Variants in TULP4 observed in about 807,000 individuals in gnomAD.
TULP4 encodes TUB like protein 4, also known as tubby-related protein 4.
A neutral mutation model predicts 129.0 loss-of-function variants in TULP4; 16 were observed. That is an observed-to-expected ratio of 0.12 (90% CI 0.08 to 0.19). The LOEUF (loss-of-function observed/expected upper bound fraction) is 0.19. Among genes scored for constraint, TULP4 ranks in the 10% least tolerant of loss-of-function variants. The probability of loss-of-function intolerance (pLI) is 1.00; values close to 1 mark genes in which losing one functional copy is unlikely to be tolerated. For missense variants in TULP4, 1,842 were observed against 2,059.1 expected (o/e 0.89, Z 2.04); for synonymous variants, 998 against 854.0 (o/e 1.17, Z -2.94).
At chr6:158,283,372 A>C (rs1313721100) in intron 1 of TULP4, among the ~76,000 whole-genome samples, 1 of 152,232 alleles carries the variant, frequency 6.6e-6, no homozygotes, top group Admixed American at 6.5e-5. Context: ...AAATGTTTCG[A>C]AGCCCCTGGT....
At position 158,507,628 on chromosome 6, in the gene TULP4, CATGCTGAG is replaced by C. The variant is rs1162881001; in HGVS notation, c.*936_*943del. 1 of 152,208 alleles carries C rather than the reference CATGCTGAG, an allele frequency of 6.6e-6. No individual in the cohort carries two copies. Among genetic ancestry groups the C allele is most frequent in the East Asian group, 1.9e-4 (1 of 5,204 alleles). 9.4% of individuals were successfully genotyped at this position (152,208 alleles called of 1,614,324 possible). ...TGTGGTGACAGTCACTAGATCCTCA[CATGCTGAG>C]AAACAGCCTCTACTCTCTCTGCCCC... On this transcript the variant is annotated 3_prime_UTR_variant, in exon 14 of 14. Coordinates refer to ENST00000367097, the MANE Select transcript of TULP4 (RefSeq NM_020245.5).
rs752011727 is a variant in TULP4 at position 158,502,720 on chromosome 6, CG to C, written c.3064del (p.Val1022TrpfsTer2). The C allele has an allele frequency of 7.0e-6, 11 of 1,565,076 alleles. No homozygotes were observed. The highest frequency in any genetic ancestry group is 1.7e-5 in the Admixed American group (1 of 57,160). On this transcript the variant is annotated frameshift_variant, in exon 13 of 14. Transcript: ENST00000367097. LOFTEE classifies it high-confidence loss of function. The stretch of plus-strand genomic sequence containing the variant: ...CCCTGGCCAAGTCCAAGGGCGGGCC[CG>C]GGGGGGTGGTGACACAGCTCCCAGC... ...QPLAKSKGGP[G>X]GVVTQLPARP...
At chr6:158,330,017 T>C (rs2128491468) in intron 1 of TULP4, among the ~76,000 whole-genome samples, 1 of 82,388 alleles carries the variant, frequency 1.2e-5, no homozygotes, top group Admixed American at 1.7e-4. Context: ...AAATTTTAAA[T>C]AGACACATTA....
At chr6:158,498,902 A>G (rs1372199400) in intron 12 of TULP4, 90 bp downstream of exon 12, 5 of 1,509,758 alleles carry the variant, frequency 3.3e-6, no homozygotes, top group Admixed American at 1.8e-5. Flanking sequence ...TGAGGATTTC[A>G]GTCTGCTACC....
At chr6:158,442,783 A>G (rs1054310872) in intron 3 of TULP4, among the ~76,000 whole-genome samples, 1 of 150,390 alleles carries the variant, frequency 6.6e-6, no homozygotes, top group African/African-American at 2.4e-5. Context: ...TTACTTGTGT[A>G]CCGTTCTGGA....
chr6:158,301,996 T>C (rs552482597), intron 1 of TULP4, among the ~76,000 whole-genome samples: 2 of 152,382 alleles, frequency 1.3e-5, no homozygotes, highest in East Asian at 3.9e-4. Flanking sequence ...TCCTAAATAT[T>C]GAACAGGAGT....
In TULP4 at chr6:158,313,867, C is replaced by T. The variant is rs1779422430; in HGVS notation, c.-150C>T. The T allele has an allele frequency of 2.5e-6, 2 of 807,126 alleles. No individual in the cohort carries two copies. Among genetic ancestry groups the T allele is most frequent in the African/African-American group, 1.7e-5 (1 of 57,826 alleles). 50.0% of individuals were successfully genotyped at this position (807,126 alleles called of 1,614,324 possible). The stretch of plus-strand genomic sequence containing the variant: ...TCGGTGGATCTTTATAAAATACTGA[C>T]CTTCTAATTAGATTCAGGTCAGTCT... On this transcript the variant is annotated 5_prime_UTR_variant, in exon 1 of 14. Coordinates refer to ENST00000367097, the MANE Select transcript of TULP4 (RefSeq NM_020245.5).
chr6:158,390,028 A>C (rs1042273886), intron 1 of TULP4, among the ~76,000 whole-genome samples: 1 of 151,454 alleles, frequency 6.6e-6, no homozygotes, highest in African/African-American at 2.4e-5. Context: ...CTGAGATTGC[A>C]CCACTGCACT....
chr6:158,381,384 T>C (rs955903533), intron 1 of TULP4, among the ~76,000 whole-genome samples: 9 of 152,194 alleles, frequency 5.9e-5, no homozygotes, highest in African/African-American at 2.2e-4. Context: ...TCAAACGTAA[T>C]ATTTCAGCAA....
chr6:158,381,069 G>A (rs1191923040), intron 1 of TULP4, among the ~76,000 whole-genome samples: 1 of 151,950 alleles, frequency 6.6e-6, no homozygotes, highest in Non-Finnish European at 1.5e-5. Flanking sequence ...CCTGAAGGTG[G>A]GTGGGTTGTA....
chr6:158,377,425 A>G (rs2114900967), intron 1 of TULP4, among the ~76,000 whole-genome samples: 1 of 152,384 alleles, frequency 6.6e-6, no homozygotes, highest in Non-Finnish European at 1.5e-5. Flanking sequence ...ATGAGGAAAC[A>G]GATATTTAGA....
At chr6:158,425,010 C>T (rs620528) in intron 2 of TULP4, among the ~76,000 whole-genome samples, 64,381 of 150,870 alleles carry the variant, frequency 0.43, 14,125 homozygotes, top group South Asian at 0.56. Flanking sequence ...AAAAATTAGC[C>T]GGGCGTGGTG....
At chr6:158,436,082 A>G (rs1254247383) in intron 3 of TULP4, among the ~76,000 whole-genome samples, 1 of 151,920 alleles carries the variant, frequency 6.6e-6, no homozygotes, top group East Asian at 1.9e-4. Context: ...ATGCCTGGCT[A>G]ATTTTCGTAT....
chr6:158,321,301 C>CT (rs898023766), intron 1 of TULP4, among the ~76,000 whole-genome samples: 20 of 151,706 alleles, frequency 1.3e-4, no homozygotes, highest in East Asian at 1.9e-4. Context: ...CTGGCTCTGC[C>CT]TTTTTTTTGC....
chr6:158,461,511 G>C (rs376979935), intron 5 of TULP4, 52 bp from the exon 6 acceptor site: 2 of 1,565,222 alleles, frequency 1.3e-6, no homozygotes, highest in Non-Finnish European at 1.7e-6. Flanking sequence ...TTGCTGAGTG[G>C]CAGTTTGAGG....
At chr6:158,393,810 A>G (rs1296983499) in intron 1 of TULP4, among the ~76,000 whole-genome samples, 2 of 152,174 alleles carry the variant, frequency 1.3e-5, no homozygotes, top group African/African-American at 4.8e-5. Flanking sequence ...CTGCAGGGAA[A>G]ATATCTGAAA....
chr6:158,308,621 G>A (rs539582039), upstream of TULP4, among the ~76,000 whole-genome samples: 61 of 149,460 alleles, frequency 4.1e-4, no homozygotes, highest in Non-Finnish European at 6.3e-4. Context: ...GCGGCTGGTC[G>A]GGCGGGGGGC....
chr6:158,347,414 G>A, intron 1 of TULP4, among the ~76,000 whole-genome samples: 1 of 152,178 alleles, frequency 6.6e-6, no homozygotes, highest in Non-Finnish European at 1.5e-5. Flanking sequence ...CTCATCCCTT[G>A]TTTGGATTAG....
intron 1 of TULP4, among the ~76,000 whole-genome samples, chr6:158,395,094 C>T (rs562420215): frequency 1.3e-5 from 2 of 152,252 alleles, no homozygotes; most frequent in East Asian, 3.9e-4. Context: ...CCCACCAGGT[C>T]CCTCCTCCAA....
Sources: allele counts gnomAD v4.1 joint callset (sites outside exome capture counted in the v4.1 genomes callset), GRCh38; gene constraint gnomAD v4.1.1; transcripts MANE v1.5; gene names NCBI Gene and HGNC (gene_info 2026-07-23, HGNC 2026-07-21).